AGTPBP1: variants seen among roughly 807,000 people sequenced by gnomAD.
AGTPBP1 encodes the protein ATP/GTP binding carboxypeptidase 1.
In AGTPBP1, 70 loss-of-function variants were observed where a neutral mutation model predicts 143.9. The ratio of observed to expected loss-of-function variants is 0.49; its 90% confidence interval spans 0.40 to 0.59. The LOEUF is 0.59. AGTPBP1 is among the 20% of genes least tolerant of loss of function. The pLI, the probability that AGTPBP1 is intolerant of heterozygous loss-of-function variation, is 0.00. For missense variants in AGTPBP1, 1,229 were observed against 1,464.5 expected, an observed-to-expected ratio of 0.84 and a Z score of 2.62; for synonymous variants, 463 against 500.2, an observed-to-expected ratio of 0.93 and a Z score of 0.99.
chr9:85,653,823 A>G (rs1481185658), intron 11 of AGTPBP1, among the ~76,000 whole-genome samples: 2 of 152,198 alleles, frequency 1.3e-5, no homozygotes, highest in Admixed American at 6.5e-5. Context: ...CCCAGTTTTC[A>G]GATTTGGTAC....
intron 2 of AGTPBP1, among the ~76,000 whole-genome samples, chr9:85,698,732 G>A (rs1387336407): frequency 1.8e-5 from 2 of 111,126 alleles, no homozygotes; most frequent in African/African-American, 3.6e-5. Flanking sequence ...TTGCTCTGTC[G>A]CCCAGGCTGG....
At chr9:85,698,003 GA>G (rs1191435348) in intron 2 of AGTPBP1, among the ~76,000 whole-genome samples, 2 of 152,064 alleles carry the variant, frequency 1.3e-5, no homozygotes, top group Non-Finnish European at 2.9e-5. Context: ...ACCCAGATTT[GA>G]GAGAAATTTG....
rs542251431 is a variant in AGTPBP1 at position 85,619,181 on chromosome 9, C to T, written c.2186+34G>A. 4.7e-5 allele frequency: 75 copies of T among 1,609,608 alleles called. 1 individual carries two copies. The South Asian group carries it at 7.8e-4, about 17-fold the overall frequency. Reference sequence around the variant, plus strand: ...TGATGAAAATTAGGAAATATCTGTGCACATACAAAATGAGAAAATCTTAAG... The same window carrying T: ...TGATGAAAATTAGGAAATATCTGTGTACATACAAAATGAGAAAATCTTAAG... On this transcript the variant is annotated intron_variant, in intron 16 of 25. Transcript: ENST00000357081.
intron 1 of AGTPBP1, among the ~76,000 whole-genome samples, chr9:85,741,042 G>C (rs1191903048): frequency 1.3e-5 from 2 of 152,196 alleles, no homozygotes; most frequent in African/African-American, 4.8e-5. Context: ...AACAACGGTA[G>C]AGTCGAGCAA....
the AGTPBP1 span, among the ~76,000 whole-genome samples, chr9:85,762,071 A>G: frequency 6.6e-6 from 1 of 152,230 alleles, no homozygotes; most frequent in Non-Finnish European, 1.5e-5. Flanking sequence ...CCACAATGAG[A>G]TACCATCTCA....
At chr9:85,733,889 G>A (rs968370337) in intron 1 of AGTPBP1, among the ~76,000 whole-genome samples, 4 of 152,126 alleles carry the variant, frequency 2.6e-5, no homozygotes, top group African/African-American at 9.7e-5. Context: ...AACCTACCAA[G>A]CCTGAACCAC....
At chr9:85,701,166 C>T (rs1381730088) in intron 2 of AGTPBP1, among the ~76,000 whole-genome samples, 1 of 151,686 alleles carries the variant, frequency 6.6e-6, no homozygotes, top group African/African-American at 2.4e-5. Flanking sequence ...CTCATCTTGG[C>T]CTCCCAAAGT....
At position 85,681,314 on chromosome 9, in the gene AGTPBP1, G is replaced by A. The variant is rs761825683; in HGVS notation, c.179C>T (p.Thr60Ile). 7 of 1,611,564 alleles carry A rather than the reference G, an allele frequency of 4.3e-6. No homozygotes were observed. In the South Asian group the frequency reaches 6.7e-5, roughly 15 times the overall value. Residue 60 changes from threonine (T) to isoleucine (I), a missense_variant, in exon 4 of 26, where the codon ACA becomes ATA. Physicochemically the swap from Thr to Ile is moderately conservative, Grantham distance 89. Coordinates refer to ENST00000357081, the MANE Select transcript of AGTPBP1 (RefSeq NM_001330701.2). ...TTCCATTCCTGTAGAACCTTTGGCTGTCATTTCTCTCCTTGTTTTTTCTGA... is the reference window on the plus strand; with the variant it reads ...TTCCATTCCTGTAGAACCTTTGGCTATCATTTCTCTCCTTGTTTTTTCTGA... ...QSQEKTRREM[T>I]AKGSTGMEIL...
intron 2 of AGTPBP1, among the ~76,000 whole-genome samples, chr9:85,704,292 A>G (rs1836847675): frequency 6.6e-6 from 1 of 152,182 alleles, no homozygotes; most frequent in African/African-American, 2.4e-5. Flanking sequence ...TGCACAGAGA[A>G]AACTCCAGAG....
intron 15 of AGTPBP1, among the ~76,000 whole-genome samples, chr9:85,620,420 TAA>T (rs67311066): frequency 7.2e-4 from 75 of 103,836 alleles, no homozygotes; most frequent in Admixed American, 9.7e-4. Context: ...GGACTTCATC[TAA>T]AAAAAAAAAA....
At chr9:85,618,551 CCA>C (rs1283516743) in intron 17 of AGTPBP1, among the ~76,000 whole-genome samples, 1 of 151,654 alleles carries the variant, frequency 6.6e-6, no homozygotes, top group Non-Finnish European at 1.5e-5. Flanking sequence ...GGGGTTTATT[CCA>C]CACTTTTTTT....
the AGTPBP1 span, among the ~76,000 whole-genome samples, chr9:85,789,912 T>G: frequency 6.6e-6 from 1 of 152,220 alleles, no homozygotes; most frequent in Non-Finnish European, 1.5e-5. Context: ...ACACATTAAA[T>G]GCAAGTATGA....
intron 25 of AGTPBP1, among the ~76,000 whole-genome samples, chr9:85,574,205 T>C (rs1287077717): frequency 6.6e-6 from 1 of 152,098 alleles, no homozygotes; most frequent in Non-Finnish European, 1.5e-5. Flanking sequence ...ATGTGCTGTG[T>C]CCACTCAGGG....
chr9:85,561,833 A>ATTT (rs763799341), intron 25 of AGTPBP1, among the ~76,000 whole-genome samples: 14 of 139,972 alleles, frequency 1.0e-4, no homozygotes, highest in African/African-American at 2.9e-4. Flanking sequence ...TAAAAGTACA[A>ATTT]TTTTTTTTTT....
upstream of AGTPBP1, among the ~76,000 whole-genome samples, chr9:85,742,680 AG>A (rs1179249377): frequency 6.6e-6 from 1 of 152,230 alleles, no homozygotes; most frequent in South Asian, 2.1e-4. Context: ...TGGCTACTGA[AG>A]GCAAAGGCGG....
intron 3 of AGTPBP1, among the ~76,000 whole-genome samples, chr9:85,690,949 A>C (rs1835830993): frequency 6.6e-6 from 1 of 152,216 alleles, no homozygotes; most frequent in South Asian, 2.1e-4. Flanking sequence ...GTTGTGACAC[A>C]AAGAAGAGTC....
At chr9:85,681,931 G>C (rs977226305) in intron 3 of AGTPBP1, among the ~76,000 whole-genome samples, 1 of 151,356 alleles carries the variant, frequency 6.6e-6, no homozygotes, top group Admixed American at 6.6e-5. Flanking sequence ...TGTATTTTTA[G>C]TAGAGACGGG....
In AGTPBP1 at chr9:85,643,143, G is replaced by A. The variant is rs1352735440; in HGVS notation, c.1186-200C>T. 3 of 525,810 alleles carry A rather than the reference G, an allele frequency of 5.7e-6. No individual in the cohort carries two copies. The Admixed American group carries it at 1.0e-4, about 18-fold the overall frequency. The allele number at this position is 525,810 out of a possible 1,614,324, so 32.6% of individuals were successfully genotyped here. Reference sequence around the variant, plus strand: ...TGTTGTGTTATTGTTGGGTAGTTTTGTTTTGTTTTTGTCATGGTTACTCTA... The same window carrying A: ...TGTTGTGTTATTGTTGGGTAGTTTTATTTTGTTTTTGTCATGGTTACTCTA... On this transcript the variant is annotated intron_variant, in intron 12 of 25. Coordinates refer to ENST00000357081, the MANE Select transcript of AGTPBP1 (RefSeq NM_001330701.2).
In AGTPBP1 at chr9:85,692,291, T is replaced by A. The variant is rs552216065; in HGVS notation, c.157+398A>T. ...AGTTTGATTTTTTTTTTTTTTTTTT[T>A]ATGAGACGGAGTCTTGCTGTCGCCC... On this transcript the variant is annotated intron_variant, in intron 3 of 25. Coordinates refer to ENST00000357081, the MANE Select transcript of AGTPBP1 (RefSeq NM_001330701.2). Among the ~76,000 whole-genome samples, 336 of 150,736 alleles carry A rather than the reference T, an allele frequency of 2.2e-3. 3 individuals carry two copies. The highest frequency in any genetic ancestry group is 7.9e-3 in the African/African-American group (320 of 40,718).
Sources: allele counts gnomAD v4.1 joint callset (sites outside exome capture counted in the v4.1 genomes callset), GRCh38; gene constraint gnomAD v4.1.1; transcripts MANE v1.5; gene names NCBI Gene and HGNC (gene_info 2026-07-23, HGNC 2026-07-21).